The following TOX variants were observed in gnomAD, a reference collection of about 807,000 sequenced individuals.
TOX encodes thymocyte selection-associated high mobility group box protein TOX.
Under a neutral mutation model 53.7 loss-of-function variants are expected in TOX, and 11 were observed. The observed-to-expected ratio is 0.20, with a 90% CI of 0.13 to 0.34. TOX has a LOEUF of 0.34. Ranked by LOEUF, TOX falls within the 10% of genes least tolerant of loss-of-function variation. TOX has a pLI of 1.00. For missense variants in TOX, 570 were observed against 664.6 expected (o/e 0.86, Z 1.56); for synonymous variants, 225 against 245.3 (o/e 0.92, Z 0.77).
intron 1 of TOX, among the ~76,000 whole-genome samples, chr8:59,007,973 A>G (rs1490620646): frequency 1.3e-5 from 2 of 152,244 alleles, no homozygotes; most frequent in Non-Finnish European, 2.9e-5. Flanking sequence ...ATATTTTTCC[A>G]TGTACATATC....
chr8:58,949,572 T>C (rs761454667), intron 2 of TOX, among the ~76,000 whole-genome samples: 15 of 152,306 alleles, frequency 9.8e-5, no homozygotes, highest in Non-Finnish European at 2.1e-4. Flanking sequence ...CCTGCATTTA[T>C]AGAACTAGTT....
intron 3 of TOX, among the ~76,000 whole-genome samples, chr8:58,860,010 C>T (rs1161428053): frequency 6.6e-6 from 1 of 152,194 alleles, no homozygotes; most frequent in African/African-American, 2.4e-5. Context: ...GCTGCCACAT[C>T]CAGCAGATCC....
intron 3 of TOX, among the ~76,000 whole-genome samples, chr8:58,852,759 C>A (rs1465339392): frequency 6.6e-6 from 1 of 151,948 alleles, no homozygotes; most frequent in Non-Finnish European, 1.5e-5. Context: ...AGGTAGAGGG[C>A]ACACAAAACA....
chr8:58,963,408 G>A (rs1812837338), intron 1 of TOX, among the ~76,000 whole-genome samples: 1 of 152,056 alleles, frequency 6.6e-6, no homozygotes, highest in African/African-American at 2.4e-5. Context: ...TTGTTTCTCT[G>A]GAGCACCCTA....
rs549660981 is a variant in TOX at position 58,873,666 on chromosome 8, C to G, written c.412-21861G>C. On this transcript the variant is annotated intron_variant, in intron 3 of 8. Coordinates refer to ENST00000361421, the MANE Select transcript of TOX (RefSeq NM_014729.3). ...ATCAAAGTGCAGCTAAGAATGTTAA[C>G]GGGATGTTTTTCCCTCCCTAAGGGC... is the stretch of plus-strand genomic sequence containing the variant. 9.2e-5 allele frequency among the ~76,000 whole-genome samples: 14 copies of G among 152,200 alleles called. 2 individuals carry two copies. In the South Asian group the frequency reaches 2.9e-3, roughly 32 times the overall value.
At chr8:58,981,368 A>G (rs1813203030) in intron 1 of TOX, among the ~76,000 whole-genome samples, 1 of 152,098 alleles carries the variant, frequency 6.6e-6, no homozygotes. Context: ...AGCTTTTTCT[A>G]CAAGCCTCTT....
chr8:58,888,654 C>T (rs1030583986), intron 3 of TOX, among the ~76,000 whole-genome samples: 2 of 151,570 alleles, frequency 1.3e-5, no homozygotes, highest in African/African-American at 4.8e-5. Context: ...CCAAAATTTA[C>T]TAAAACACTT....
At chr8:58,897,054 A>ATTTAAAAAAATTTTTATT (rs1811660889) in intron 3 of TOX, among the ~76,000 whole-genome samples, 1 of 152,210 alleles carries the variant, frequency 6.6e-6, no homozygotes, top group African/African-American at 2.4e-5. Flanking sequence ...GATAATAATA[A>ATTTAAAAAAATTTTTATT]AAATATTCCT....
At chr8:58,922,047 G>A (rs182481655) in intron 3 of TOX, among the ~76,000 whole-genome samples, 2 of 152,250 alleles carry the variant, frequency 1.3e-5, no homozygotes, top group Admixed American at 1.3e-4. Context: ...ATAGAATGCC[G>A]TGGCCTGACA....
chr8:59,100,422 G>A (rs562325071), intron 1 of TOX, among the ~76,000 whole-genome samples: 1 of 152,256 alleles, frequency 6.6e-6, no homozygotes, highest in South Asian at 2.1e-4. Context: ...AGGAAGCACC[G>A]CTGACAGCCA....
intron 2 of TOX, among the ~76,000 whole-genome samples, chr8:58,954,403 A>G (rs1812677443): frequency 6.6e-6 from 1 of 152,216 alleles, no homozygotes; most frequent in Non-Finnish European, 1.5e-5. Flanking sequence ...CTTATCTTTC[A>G]ACAAACAATG....
At chr8:58,821,118 T>C (rs546480912) in intron 6 of TOX, among the ~76,000 whole-genome samples, 2 of 152,148 alleles carry the variant, frequency 1.3e-5, no homozygotes, top group East Asian at 1.9e-4. Context: ...AAGAAAACTA[T>C]AGATGAATGC....
chr8:58,852,850 A>G (rs1478545534), intron 3 of TOX, among the ~76,000 whole-genome samples: 1 of 152,162 alleles, frequency 6.6e-6, no homozygotes, highest in Non-Finnish European at 1.5e-5. Context: ...TAATAATGTT[A>G]CCTTATTCTG....
chr8:58,920,849 G>A (rs2129174699), intron 3 of TOX, among the ~76,000 whole-genome samples: 2 of 151,274 alleles, frequency 1.3e-5, no homozygotes, highest in Middle Eastern at 6.9e-3. Flanking sequence ...GGGAACAGAG[G>A]TAGAGCTCAA....
intron 4 of TOX, among the ~76,000 whole-genome samples, chr8:58,845,525 T>G (rs1810706599): frequency 6.6e-6 from 1 of 152,158 alleles, no homozygotes; most frequent in African/African-American, 2.4e-5. Flanking sequence ...GCTGTAATAC[T>G]TCTTTCATTT....
intron 2 of TOX, among the ~76,000 whole-genome samples, chr8:58,952,069 A>G (rs1812630887): frequency 6.6e-6 from 1 of 152,166 alleles, no homozygotes; most frequent in African/African-American, 2.4e-5. Context: ...GAGGAACTGA[A>G]ACTGCAGAGG....
chr8:58,842,011 A>G (rs1021848077), intron 4 of TOX, among the ~76,000 whole-genome samples: 11 of 152,262 alleles, frequency 7.2e-5, no homozygotes, highest in Non-Finnish European at 1.6e-4. Flanking sequence ...AATGTCAATC[A>G]TAGAGATAAA....
intron 3 of TOX, among the ~76,000 whole-genome samples, chr8:58,853,570 C>G (rs1263645973): frequency 6.6e-6 from 1 of 152,124 alleles, no homozygotes; most frequent in Non-Finnish European, 1.5e-5. Flanking sequence ...AGATAAAACC[C>G]ACCTCTCCTA....
chr8:58,890,156 A>G (rs1353389157), intron 3 of TOX, among the ~76,000 whole-genome samples: 1 of 152,198 alleles, frequency 6.6e-6, no homozygotes, highest in African/African-American at 2.4e-5. Flanking sequence ...CAATACATCA[A>G]TTGTTCAGTA....
Sources: gnomAD v4.1 joint callset for allele counts (sites outside exome capture counted in the v4.1 genomes callset) on GRCh38, gnomAD v4.1.1 for gene constraint, MANE v1.5 for transcripts, NCBI Gene and HGNC (gene_info 2026-07-23, HGNC 2026-07-21) for gene names.